DDX11: variants seen among roughly 807,000 people sequenced by gnomAD.
DDX11 encodes the protein DEAD/H-box helicase 11.
DDX11 carries 72 observed loss-of-function variants against 125.2 expected under a neutral mutation model. That is an observed-to-expected ratio of 0.58 (90% CI 0.48 to 0.70). The LOEUF (loss-of-function observed/expected upper bound fraction) is 0.70, where lower values mean the gene tolerates loss of function less well. Ranked by LOEUF, DDX11 falls within the 30% of genes least tolerant of loss-of-function variation. The pLI is 0.00. For missense variants in DDX11, 883 were observed against 1,165.0 expected (o/e 0.76, Z 3.52); for synonymous variants, 347 against 452.6 (o/e 0.77, Z 2.96).
chr12:31,103,970 G>A lies in DDX11; in HGVS notation c.*134G>A, dbSNP rs771312299. The A allele has an allele frequency of 6.3e-7, 1 of 1,585,460 alleles. No individual in the cohort carries two copies. The highest frequency in any genetic ancestry group is 2.3e-5 in the East Asian group (1 of 42,656). On this transcript the variant is annotated 3_prime_UTR_variant, in exon 27 of 27. Transcript: ENST00000542838. ...CCAGGAGGAGAGTGTGGAGTCCAGAGTGCTGCCAGGACCCAGGCACAGGCG... is the reference window on the plus strand; with the variant it reads ...CCAGGAGGAGAGTGTGGAGTCCAGAATGCTGCCAGGACCCAGGCACAGGCG...
intron 3 of DDX11, 75 bp downstream of exon 3, chr12:31,084,136 A>G (rs1362118639): frequency 6.3e-7 from 1 of 1,582,794 alleles, no homozygotes; most frequent in African/African-American, 1.4e-5. Flanking sequence ...GGCGATTCCG[A>G]GACTCAGGCA....
chr12:31,087,815 T>C (rs561683161), intron 5 of DDX11, 123 bp from the exon 6 acceptor site: 2 of 1,486,458 alleles, frequency 1.3e-6, no homozygotes, highest in Non-Finnish European at 9.1e-7. Context: ...CAGCACCTGC[T>C]ACCTTGGTGG....
At chr12:31,094,164 G>A (rs11051241) in intron 12 of DDX11, 144,525 of 282,004 alleles carry the variant, frequency 0.51, 39,394 homozygotes, top group East Asian at 0.82. Context: ...GGCGTCTGTG[G>A]AAGTGGAAGC....
intron 2 of DDX11, among the ~76,000 whole-genome samples, chr12:31,081,717 G>T (rs1412994560): frequency 1.4e-5 from 2 of 144,490 alleles, no homozygotes; most frequent in Admixed American, 1.4e-4. Context: ...TGTAACTGTT[G>T]ATGATACCCC....
intron 5 of DDX11, among the ~76,000 whole-genome samples, chr12:31,086,461 G>A (rs1943167929): frequency 6.6e-6 from 1 of 151,840 alleles, no homozygotes; most frequent in Non-Finnish European, 1.5e-5. Flanking sequence ...GGCTGCGCAT[G>A]TGAACTTCGA....
intron 8 of DDX11, 176 bp from the exon 9 acceptor site, chr12:31,089,710 G>T: frequency 7.6e-7 from 1 of 1,310,726 alleles, no homozygotes; most frequent in South Asian, 1.3e-5. Context: ...GCTCTTTCTG[G>T]AGAACAGAAG....
chr12:31,096,302 G>T, intron 14 of DDX11, 39 bp from the exon 15 acceptor site: 1 of 1,417,412 alleles, frequency 7.1e-7, no homozygotes, highest in Non-Finnish European at 9.8e-7. Context: ...AGCTTGCTCA[G>T]TTTGCACTCA....
chr12:31,085,975 C>G (rs890542999), intron 5 of DDX11: 3 of 453,450 alleles, frequency 6.6e-6, no homozygotes, highest in Non-Finnish European at 1.3e-5. Flanking sequence ...CAGAGACCCT[C>G]CATGGATATT....
intron 6 of DDX11, among the ~76,000 whole-genome samples, chr12:31,088,745 C>T (rs551714146): frequency 1.2e-4 from 18 of 152,308 alleles, no homozygotes; most frequent in African/African-American, 4.1e-4. Flanking sequence ...GGGAGATGGT[C>T]ACCCATGTCC....
chr12:31,102,834 G>A (rs1385874198), intron 23 of DDX11, 102 bp from the exon 24 acceptor site: 47 of 948,388 alleles, frequency 5.0e-5, no homozygotes, highest in South Asian at 2.1e-4. Context: ...GATCACAGTC[G>A]GAGAGGCTGA....
intron 12 of DDX11, among the ~76,000 whole-genome samples, chr12:31,094,062 C>T (rs1299635067): frequency 2.7e-4 from 40 of 149,582 alleles, no homozygotes; most frequent in Non-Finnish European, 3.7e-4. Context: ...GCTCCCAGCA[C>T]GGGAGCCTGG....
intron 2 of DDX11, among the ~76,000 whole-genome samples, chr12:31,081,501 T>C (rs1435748520): frequency 1.3e-5 from 2 of 151,900 alleles, no homozygotes; most frequent in East Asian, 3.9e-4. Context: ...TGCTGTGCCT[T>C]GTGTAATACT....
At chr12:31,081,072 C>T (rs1428721914) in intron 2 of DDX11, among the ~76,000 whole-genome samples, 2 of 152,206 alleles carry the variant, frequency 1.3e-5, no homozygotes, top group Admixed American at 1.3e-4. Context: ...CCTGACAACC[C>T]ATCTTCTCCC....
Position 31,103,623 on chromosome 12 carries a change from G to A in DDX11, c.2583G>A (p.Leu861=). ...HQKDFASVVL[L]DQRYARPPVL... Reference sequence around the variant, plus strand: ...AGGATTTTGCCAGCGTAGTGCTCCTGGACCAGCGATATGCCCGGCCCCCTG... The same window carrying A: ...AGGATTTTGCCAGCGTAGTGCTCCTAGACCAGCGATATGCCCGGCCCCCTG... Residue 861 remains leucine (L), a synonymous_variant, in exon 26 of 27, where the codon CTG becomes CTA. Transcript: ENST00000542838. 4 of 1,614,044 alleles carry A rather than the reference G, an allele frequency of 2.5e-6. No homozygotes were observed. Among genetic ancestry groups the A allele is most frequent in the South Asian group, 1.1e-5 (1 of 91,070 alleles).
Position 31,097,002 on chromosome 12 carries a change from G to T in DDX11, c.1762+12G>T, listed in dbSNP as rs751029831. ...CCTGAGCCGCCAAGGTAATCAGGTGGTTCTTGGCCAGGTTCAGTTCCCAGG... is the reference window on the plus strand; with the variant it reads ...CCTGAGCCGCCAAGGTAATCAGGTGTTTCTTGGCCAGGTTCAGTTCCCAGG... On this transcript the variant is annotated intron_variant, in intron 17 of 26. Coordinates refer to ENST00000542838, the MANE Select transcript of DDX11 (RefSeq NM_030653.4). 233 of 1,613,174 alleles carry T rather than the reference G, an allele frequency of 1.4e-4. 1 individual carries two copies. Among genetic ancestry groups the T allele is most frequent in the Non-Finnish European group, 1.8e-4 (214 of 1,179,760 alleles).
chr12:31,102,453 G>A lies in DDX11; in HGVS notation c.2298G>A (p.Val766=). Residue 766 remains valine, a synonymous_variant, in exon 23 of 27, where the codon GTG becomes GTA. Coordinates refer to ENST00000542838, the MANE Select transcript of DDX11 (RefSeq NM_030653.4). ...IQACGQERGQ[V]TGALLLSVVG... ...CCTGTGGCCAGGAGAGAGGCCAGGT[G>A]ACAGGGGCCCTGCTCCTCTCTGTGG... The A allele has an allele frequency of 6.2e-7, 1 of 1,614,142 alleles. No individual in the cohort carries two copies. Among genetic ancestry groups the A allele is most frequent in the Non-Finnish European group, 8.5e-7 (1 of 1,179,988 alleles).
At chr12:31,102,368 C>T (rs927274328) in intron 22 of DDX11, 57 bp downstream of exon 22, 15 of 1,608,094 alleles carry the variant, frequency 9.3e-6, no homozygotes, top group Admixed American at 5.0e-5. Flanking sequence ...CAGCTGGAAA[C>T]GTTGTGGGTG....
Position 31,102,993 on chromosome 12 carries a change from G to T in DDX11, c.2430G>T (p.Glu810Asp). The T allele has an allele frequency of 6.2e-7, 1 of 1,613,962 alleles. No individual in the cohort carries two copies. Among genetic ancestry groups the T allele is most frequent in the Non-Finnish European group, 8.5e-7 (1 of 1,179,814 alleles). Residue 810 changes from glutamate to aspartate, a missense_variant, in exon 24 of 27, where the codon GAG (glutamate) becomes GAT (aspartate). Physicochemically the swap from Glu to Asp is conservative, Grantham distance 45. Transcript: ENST00000542838. Reference protein sequence around the residue: ...FPNIRSAELQEKMAYLDQTLP... With the variant: ...FPNIRSAELQDKMAYLDQTLP... ...ACATCAGGTCTGCAGAGCTGCAGGA[G>T]AAGATGGCCTACTTGGATCAAACCC...
intron 11 of DDX11, 97 bp downstream of exon 11, chr12:31,092,989 C>G: frequency 2.1e-6 from 3 of 1,460,564 alleles, no homozygotes; most frequent in Admixed American, 1.7e-5. Flanking sequence ...CACCTCTGGC[C>G]CGGGCTGTGG....
Sources: allele counts gnomAD v4.1 joint callset (sites outside exome capture counted in the v4.1 genomes callset), GRCh38; gene constraint gnomAD v4.1.1; transcripts MANE v1.5; gene names NCBI Gene and HGNC (gene_info 2026-07-23, HGNC 2026-07-21).